Variants in SEL1L3 observed in about 807,000 individuals in gnomAD.
SEL1L3 encodes protein sel-1 homolog 3.
Under a neutral mutation model 142.8 loss-of-function variants are expected in SEL1L3, and 76 were observed. The observed-to-expected ratio is 0.53, with a 90% confidence interval of 0.44 to 0.64. SEL1L3 has a LOEUF of 0.64. Among genes scored for constraint, SEL1L3 ranks in the 30% least tolerant of loss-of-function variants. The probability of loss-of-function intolerance (pLI) is 0.00; values close to 1 mark genes in which losing one functional copy is unlikely to be tolerated. For synonymous variants in SEL1L3, 504 were observed against 519.6 expected (o/e 0.97, Z 0.41); for missense variants, 1,262 against 1,381.7 (o/e 0.91, Z 1.37).
At chr4:25,800,934 C>G (rs1210742683) in intron 11 of SEL1L3, among the ~76,000 whole-genome samples, 1 of 152,198 alleles carries the variant, frequency 6.6e-6, no homozygotes, top group East Asian at 1.9e-4. Flanking sequence ...AGAAACCAAC[C>G]ATTCCCAAAC....
chr4:25,830,958 G>A (rs1715400865), intron 5 of SEL1L3, among the ~76,000 whole-genome samples: 1 of 152,166 alleles, frequency 6.6e-6, no homozygotes, highest in Admixed American at 6.5e-5. Flanking sequence ...CCATCACAGA[G>A]GTGGATTTTG....
chr4:25,747,430 T>C (rs1717310327), downstream of SEL1L3: 1 of 152,188 alleles, frequency 6.6e-6, no homozygotes, highest in Non-Finnish European at 1.5e-5. Flanking sequence ...CACTTTCTGG[T>C]AGTCAATTGT....
intron 2 of SEL1L3, among the ~76,000 whole-genome samples, chr4:25,840,464 A>C (rs931715217): frequency 6.6e-6 from 1 of 152,238 alleles, no homozygotes; most frequent in African/African-American, 2.4e-5. Flanking sequence ...TGTTGTAATG[A>C]AATTTTGTTA....
downstream of SEL1L3, among the ~76,000 whole-genome samples, chr4:25,746,515 T>TATATATATATATATTTAA (rs535369928): frequency 5.4e-4 from 38 of 70,798 alleles, 1 homozygote; most frequent in Middle Eastern, 8.2e-3. Flanking sequence ...TAAATATATA[T>TATATATATATATATTTAA]ATATATATAT....
chr4:25,791,836 C>A (rs1204112489), intron 11 of SEL1L3, among the ~76,000 whole-genome samples: 2 of 152,036 alleles, frequency 1.3e-5, no homozygotes, highest in East Asian at 3.9e-4. Flanking sequence ...TCGCTTGAAC[C>A]TGGGAGGCAG....
intron 11 of SEL1L3, 25 bp from the exon 12 acceptor site, chr4:25,790,599 G>A: frequency 7.3e-7 from 1 of 1,363,350 alleles, no homozygotes. Context: ...GGGAAAGAAG[G>A]AAGGAGGGAA....
chr4:25,790,391 A>C, intron 12 of SEL1L3, 64 bp downstream of exon 12: 1 of 1,516,020 alleles, frequency 6.6e-7, no homozygotes, highest in Non-Finnish European at 9.2e-7. Context: ...ATGTTTCATT[A>C]CCACGGTATA....
At chr4:25,812,881 C>T (rs917024323) in intron 9 of SEL1L3, among the ~76,000 whole-genome samples, 8 of 152,018 alleles carry the variant, frequency 5.3e-5, no homozygotes, top group African/African-American at 9.7e-5. Context: ...GGTGTGGTGG[C>T]GTGCGCCTGT....
intron 2 of SEL1L3, among the ~76,000 whole-genome samples, chr4:25,843,253 A>G (rs971870318): frequency 2.0e-5 from 3 of 149,854 alleles, no homozygotes; most frequent in Admixed American, 6.6e-5. Context: ...GCAGTGATGC[A>G]ATCACCTTGC....
Position 25,818,144 on chromosome 4 carries a change from G to T in SEL1L3, c.1558C>A (p.Leu520Met). 1 of 1,611,460 alleles carries T rather than the reference G, an allele frequency of 6.2e-7. No homozygotes were observed. The highest frequency in any genetic ancestry group is 1.1e-5 in the South Asian group (1 of 90,230). Residue 520 changes from leucine (L) to methionine (M), a missense_variant, in exon 9 of 24, where the codon CTG becomes ATG. Around this residue, in one of 3 missense-constraint regions of SEL1L3, gnomAD observed 689 missense variants for 692.8 expected, o/e 0.99. Coordinates refer to ENST00000399878, the MANE Select transcript of SEL1L3 (RefSeq NM_015187.5). ...GAGGCAAAGACTCAATTACCGGTCA[G>T]CAGATCCATCTCCAGCAATGCCTGG... ...LFQALLEMDL[L>M]TVPRNQNESV...
chr4:25,744,346 G>GTTTTTTTT (rs1560268280), downstream of SEL1L3, among the ~76,000 whole-genome samples: 28 of 66,810 alleles, frequency 4.2e-4, no homozygotes, highest in Admixed American at 8.1e-4. Context: ...ATATGTGTGA[G>GTTTTTTTT]TCTTTTTTTT....
chr4:25,847,802 C>T lies in SEL1L3; in HGVS notation c.225G>A (p.Glu75=). The change falls in exon 2 of 24, where the codon GAG becomes GAA. Residue 75 remains glutamate, a synonymous_variant. Transcript: ENST00000399878. ...SLTTSVIPKA[E]QSVAYKDFIY... is the part of the protein sequence containing the mutation. Reference sequence around the variant, plus strand: ...TAAAGTCTTTGTAAGCCACGCTCTGCTCAGCTTTGGGTATCACTGATGTCG... The same window carrying T: ...TAAAGTCTTTGTAAGCCACGCTCTGTTCAGCTTTGGGTATCACTGATGTCG... 6.2e-7 allele frequency: 1 copy of T among 1,612,262 alleles called. No homozygotes were observed. Among genetic ancestry groups the T allele is most frequent in the Non-Finnish European group, 8.5e-7 (1 of 1,179,208 alleles).
At chr4:25,780,794 TA>T (rs1163057913) in intron 15 of SEL1L3, among the ~76,000 whole-genome samples, 1 of 141,288 alleles carries the variant, frequency 7.1e-6, no homozygotes, top group African/African-American at 2.6e-5. Flanking sequence ...TACACATAAA[TA>T]AAATATATAT....
chr4:25,728,018 G>A, the SEL1L3 span, among the ~76,000 whole-genome samples: 1 of 152,136 alleles, frequency 6.6e-6, no homozygotes, highest in African/African-American at 2.4e-5. Flanking sequence ...AATCCAGTAC[G>A]TAGTCTTCAT....
intron 1 of SEL1L3, chr4:25,861,767 A>T (rs1481536237): frequency 1.3e-5 from 2 of 151,762 alleles, no homozygotes; most frequent in Non-Finnish European, 2.9e-5. Flanking sequence ...AACATAAGTT[A>T]CTCTGGGCAG....
At chr4:25,796,940 TGAAA>T (rs1337119202) in intron 11 of SEL1L3, among the ~76,000 whole-genome samples, 1 of 130,726 alleles carries the variant, frequency 7.6e-6, no homozygotes, top group African/African-American at 2.9e-5. Context: ...AGAGAGGTAA[TGAAA>T]GAAAGAAGAA....
chr4:25,806,319 G>C (rs1325474472), intron 9 of SEL1L3, among the ~76,000 whole-genome samples: 1 of 151,370 alleles, frequency 6.6e-6, no homozygotes, highest in East Asian at 1.9e-4. Flanking sequence ...TTACAGGCTT[G>C]AGCCACCGCG....
chr4:25,735,826 C>CTTTTT, the SEL1L3 span, among the ~76,000 whole-genome samples: 254 of 101,524 alleles, frequency 2.5e-3, no homozygotes, highest in Non-Finnish European at 3.2e-3. Flanking sequence ...TCTAACTATT[C>CTTTTT]TTTTTTTTTT....
chr4:25,791,302 G>A (rs183283944), intron 11 of SEL1L3, among the ~76,000 whole-genome samples: 7 of 152,336 alleles, frequency 4.6e-5, no homozygotes, highest in Admixed American at 2.0e-4. Flanking sequence ...CTCTGAGGAT[G>A]CAAGAAAGAA....
Sources: allele counts gnomAD v4.1 joint callset (sites outside exome capture counted in the v4.1 genomes callset), GRCh38; gene constraint gnomAD v4.1.1; regional missense constraint gnomAD v4.1.1; transcripts MANE v1.5; gene names NCBI Gene and HGNC (gene_info 2026-07-23, HGNC 2026-07-21).